PGBD5: variants seen among roughly 807,000 people sequenced by gnomAD.
PGBD5 encodes piggyBac transposable element-derived protein 5.
PGBD5 carries 14 observed loss-of-function variants against 47.9 expected under a neutral mutation model. The observed-to-expected ratio is 0.29, with a 90% CI of 0.19 to 0.46. PGBD5 has a LOEUF of 0.46. Among genes scored for constraint, PGBD5 ranks in the 20% least tolerant of loss-of-function variants. The pLI is 1.00. For synonymous variants in PGBD5, 316 were observed against 306.3 expected (o/e 1.03, Z -0.33); for missense variants, 635 against 716.0 (o/e 0.89, Z 1.29).
intron 1 of PGBD5, among the ~76,000 whole-genome samples, chr1:230,392,212 G>A (rs1056988165): frequency 2.6e-5 from 4 of 152,200 alleles, no homozygotes; most frequent in African/African-American, 7.2e-5. Context: ...CCCCCACACC[G>A]GGGCTGCCCT....
At chr1:230,337,321 C>T in intron 3 of PGBD5, 33 bp from the exon 4 acceptor site, 1 of 1,562,198 alleles carries the variant, frequency 6.4e-7, no homozygotes, top group South Asian at 1.2e-5. Context: ...TTAGCGTGCT[C>T]ACAGCAGTGT....
At position 230,323,707 on chromosome 1, in the gene PGBD5, G is replaced by A. The variant is rs141323295; in HGVS notation, c.1380-87C>T. On this transcript the variant is annotated intron_variant, in intron 6 of 6. Transcript: ENST00000391860. This position sits in a 1 kb window ranked among gnomAD's most constrained non-coding sequence, Gnocchi z 4.1. ...CAAAGGCCCCCCCTCACCACAGCCC[G>A]TGAGACGCTGCAGGTTCGCCCCCGA... The A allele has an allele frequency of 4.5e-4, 606 of 1,340,208 alleles. 2 individuals carry two copies. In the African/African-American group the frequency reaches 5.5e-3, roughly 12 times the overall value. 83.0% of individuals were successfully genotyped at this position (1,340,208 alleles called of 1,614,324 possible). A position where few individuals can be genotyped will look rare whatever the true frequency, so the allele number is the denominator to read the frequency against.
At chr1:230,359,054 T>C (rs950857683) in intron 1 of PGBD5, among the ~76,000 whole-genome samples, 3 of 152,084 alleles carry the variant, frequency 2.0e-5, no homozygotes, top group Non-Finnish European at 1.5e-5. Context: ...ATTGCATCTG[T>C]ATATTGATTT....
intron 3 of PGBD5, among the ~76,000 whole-genome samples, chr1:230,345,051 T>C (rs1249773506): frequency 6.6e-6 from 1 of 152,228 alleles, no homozygotes; most frequent in Non-Finnish European, 1.5e-5. Flanking sequence ...GGCAGGTGCC[T>C]GGCCCAACGT....
At chr1:230,394,838 CCT>C (rs367982512) in intron 1 of PGBD5, among the ~76,000 whole-genome samples, 5 of 120,416 alleles carry the variant, frequency 4.2e-5, no homozygotes, top group Admixed American at 2.4e-4. Flanking sequence ...TCCCCGAGCT[CCT>C]CTCTCACTCC....
rs140186530 is a variant in PGBD5, at chr1:230,331,919, G to A, written c.1273+925C>T. On this transcript the variant is annotated intron_variant, in intron 5 of 6. Coordinates refer to ENST00000391860, the MANE Select transcript of PGBD5 (RefSeq NM_001258311.2). Reference sequence around the variant, plus strand: ...CCTTGATCGCAATCTCCACTGAGGCGTGATGCAACTTAAGCTGGCGGGAGG... The same window carrying A: ...CCTTGATCGCAATCTCCACTGAGGCATGATGCAACTTAAGCTGGCGGGAGG... 3.0e-4 allele frequency among the ~76,000 whole-genome samples: 36 copies of A among 118,722 alleles called. 1 individual carries two copies. In the East Asian group the frequency reaches 9.2e-3, roughly 30 times the overall value. The allele number at this position is 118,722 out of a possible 152,430, so 77.9% of individuals were successfully genotyped here. A position where few individuals can be genotyped will look rare whatever the true frequency, so the allele number is the denominator to read the frequency against.
chr1:230,389,255 C>T (rs1656728772), intron 1 of PGBD5, among the ~76,000 whole-genome samples: 1 of 151,850 alleles, frequency 6.6e-6, no homozygotes, highest in Non-Finnish European at 1.5e-5. Context: ...CTCATCGCAG[C>T]CTCTGCCTCC....
chr1:230,353,234 G>T (rs993473516), intron 2 of PGBD5, among the ~76,000 whole-genome samples: 1 of 152,186 alleles, frequency 6.6e-6, no homozygotes, highest in African/African-American at 2.4e-5. Flanking sequence ...TCTGTTACAT[G>T]ACTGTATCTC....
intron 1 of PGBD5, among the ~76,000 whole-genome samples, chr1:230,361,588 C>T (rs961448584): frequency 6.6e-6 from 1 of 152,216 alleles, no homozygotes; most frequent in African/African-American, 2.4e-5. Context: ...CCCCTCTCTC[C>T]CTGTTCCCAA....
At chr1:230,401,861 A>C (rs1026849213) in intron 1 of PGBD5, among the ~76,000 whole-genome samples, 4 of 152,148 alleles carry the variant, frequency 2.6e-5, no homozygotes, top group Non-Finnish European at 5.9e-5. Context: ...GCACACCAAG[A>C]GCAAACGGGG....
rs778446091 is a variant in PGBD5 at position 230,377,529 on chromosome 1, G to C, written c.332-20208C>G. The C allele has an allele frequency of 4.3e-6, 7 of 1,612,718 alleles. No homozygotes were observed. In the South Asian group the frequency reaches 5.5e-5, roughly 13 times the overall value. The stretch of plus-strand genomic sequence containing the variant: ...ATGAATCGCTTGGCTGCAGATCCCG[G>C]CCGGGCACTATGCTGAGCAACTGCA... On this transcript the variant is annotated intron_variant, in intron 1 of 6. Transcript: ENST00000391860.
In PGBD5 at chr1:230,357,687, T is replaced by C. The variant is rs1392688857; in HGVS notation, c.332-366A>G. Among the ~76,000 whole-genome samples, 2 of 152,008 alleles carry C rather than the reference T, an allele frequency of 1.3e-5. No homozygotes were observed. Among genetic ancestry groups the C allele is most frequent in the African/African-American group, 4.8e-5 (2 of 41,386 alleles). On this transcript the variant is annotated intron_variant, in intron 1 of 6. Coordinates refer to ENST00000391860, the MANE Select transcript of PGBD5 (RefSeq NM_001258311.2). The surrounding 1 kb of genome is among the most constrained non-coding windows in gnomAD (Gnocchi z 5.7). ...GGGCGCAGTCACGTGGAATCCCTGC[T>C]CTCCAGAACCCGTGTGGCACAGGGT...
At chr1:230,333,757 G>A (rs570169797) in intron 4 of PGBD5, among the ~76,000 whole-genome samples, 17 of 152,206 alleles carry the variant, frequency 1.1e-4, no homozygotes, top group African/African-American at 3.9e-4. Context: ...TCCTGAGGGA[G>A]AAGGAGCTTG....
At position 230,337,269 on chromosome 1, in the gene PGBD5, T is replaced by C. The variant is rs749118903; in HGVS notation, c.914A>G (p.Glu305Gly). ...FIIQIYVHLK[E>G]GGGPDGLDAL... ...ATCCAGGCCATCTGGGCCCCCACCT[T>C]CCTTCAGGTGGACATAAATCTTTAA... Residue 305 changes from glutamate (E) to glycine (G), a missense_variant, in exon 4 of 7, where the codon GAA (glutamate) becomes GGA (glycine). Physicochemically the swap from Glu to Gly is moderately conservative, Grantham distance 98. Coordinates refer to ENST00000391860, the MANE Select transcript of PGBD5 (RefSeq NM_001258311.2). 6.2e-7 allele frequency: 1 copy of C among 1,612,396 alleles called. No homozygotes were observed. Among genetic ancestry groups the C allele is most frequent in the Admixed American group, 1.7e-5 (1 of 59,944 alleles).
At chr1:230,421,635 C>T (rs904570494) in intron 1 of PGBD5, among the ~76,000 whole-genome samples, 2 of 152,198 alleles carry the variant, frequency 1.3e-5, no homozygotes, top group Non-Finnish European at 2.9e-5. Flanking sequence ...CCTACATGAA[C>T]AGACTCCTGG....
At position 230,318,056 on chromosome 1, in the gene PGBD5, A is replaced by T. The variant is rs1216594009; in HGVS notation, c.*5369T>A. The T allele has an allele frequency of 6.6e-6, 1 of 152,322 alleles. No homozygotes were observed. The highest frequency in any genetic ancestry group is 2.4e-5 in the African/African-American group (1 of 41,438). The allele number at this position is 152,322 out of a possible 1,614,324, so 9.4% of individuals were successfully genotyped here. ...AGAGGCTGCCCGGCCCCCACCAGAC[A>T]GGGGTCAGAGCTAGGAGAATGTGCC... On this transcript the variant is annotated 3_prime_UTR_variant, in exon 7 of 7. Transcript: ENST00000391860.
At chr1:230,366,843 G>C (rs181932862) in intron 1 of PGBD5, among the ~76,000 whole-genome samples, 1 of 152,030 alleles carries the variant, frequency 6.6e-6, no homozygotes, top group African/African-American at 2.4e-5. Context: ...CCCGGGAGCC[G>C]ACGTACAGAT....
chr1:230,425,900 C>A lies in PGBD5; in HGVS notation c.29G>T (p.Arg10Met). 1 of 1,166,608 alleles carries A rather than the reference C, an allele frequency of 8.6e-7. No homozygotes were observed. The highest frequency in any genetic ancestry group is 1.1e-6 in the Non-Finnish European group (1 of 947,654). The allele number at this position is 1,166,608 out of a possible 1,614,324, so 72.3% of individuals were successfully genotyped here. Residue 10 changes from arginine (R) to methionine (M), a missense_variant, in exon 1 of 7, where the codon AGG (arginine) becomes ATG (methionine). Transcript: ENST00000391860. This position sits in a 1 kb window ranked among gnomAD's most constrained non-coding sequence, Gnocchi z 4.7. ...AGCCTCGAGCAGCGCCGGCGCCCTC[C>A]TCCGCGCGCCCCCGCCGCCCTCGGC... MAEGGGGAR[R>M]RAPALLEAAR...
rs1453717256 is a variant in PGBD5 at position 230,317,935 on chromosome 1, T to C, written c.*5490A>G. On this transcript the variant is annotated 3_prime_UTR_variant, in exon 7 of 7. Transcript: ENST00000391860. Reference sequence around the variant, plus strand: ...TCTCCTCATTACGACCGTGTATACATGGGTATACACGGAAGGGTGAAGGTG... The same window carrying C: ...TCTCCTCATTACGACCGTGTATACACGGGTATACACGGAAGGGTGAAGGTG... 1 of 152,048 alleles carries C rather than the reference T, an allele frequency of 6.6e-6. No homozygotes were observed. The highest frequency in any genetic ancestry group is 2.4e-5 in the African/African-American group (1 of 41,356). 9.4% of individuals were successfully genotyped at this position (152,048 alleles called of 1,614,324 possible).
Sources: gnomAD v4.1 joint callset for allele counts (sites outside exome capture counted in the v4.1 genomes callset) on GRCh38, gnomAD v4.1.1 for gene constraint, Gnocchi (gnomAD v3.1) non-coding constraint, MANE v1.5 for transcripts, NCBI Gene and HGNC (gene_info 2026-07-23, HGNC 2026-07-21) for gene names.